Variants in STPG2 observed in about 807,000 individuals in gnomAD.
STPG2 encodes sperm tail PG-rich repeat containing 2.
STPG2 carries 56 observed loss-of-function variants against 54.2 expected under a neutral mutation model. That is an observed-to-expected ratio of 1.03 (90% confidence interval 0.83 to 1.29). The LOEUF (loss-of-function observed/expected upper bound fraction) is 1.29, where lower values mean the gene tolerates loss of function less well. Among genes scored for constraint, STPG2 ranks in the 50% most tolerant of loss-of-function variants. STPG2 has a pLI of 0.00. For synonymous variants in STPG2, 200 were observed against 181.8 expected (o/e 1.10, Z -0.81); for missense variants, 596 against 544.9 (o/e 1.09, Z -0.93).
At chr4:98,133,143 T>C (rs1048074052) in intron 2 of STPG2, among the ~76,000 whole-genome samples, 1 of 151,986 alleles carries the variant, frequency 6.6e-6, no homozygotes, top group African/African-American at 2.4e-5. Context: ...AGAGCAAACA[T>C]TTGAGTGGAA....
chr4:97,609,769 A>G (rs1467128067), intron 10 of STPG2, among the ~76,000 whole-genome samples: 1 of 151,952 alleles, frequency 6.6e-6, no homozygotes, highest in Admixed American at 6.6e-5. Flanking sequence ...TCACAAATAT[A>G]ATTCAGATTA....
At chr4:97,511,434 TTATAA>T (rs1299407280) in intron 4 of STPG2, among the ~76,000 whole-genome samples, 1 of 152,020 alleles carries the variant, frequency 6.6e-6, no homozygotes, top group East Asian at 1.9e-4. Context: ...TCTTTGTAAC[TTATAA>T]TAAGTTCCAA....
intron 9 of STPG2, among the ~76,000 whole-genome samples, chr4:97,829,592 G>A (rs1728381405): frequency 6.6e-6 from 1 of 152,152 alleles, no homozygotes; most frequent in South Asian, 2.1e-4. Flanking sequence ...AAAGGAGCAT[G>A]TTCTAACCCA....
At chr4:97,901,900 AT>A (rs1187887391) in intron 8 of STPG2, among the ~76,000 whole-genome samples, 1 of 152,028 alleles carries the variant, frequency 6.6e-6, no homozygotes, top group Non-Finnish European at 1.5e-5. Context: ...ACAGATCCTT[AT>A]TTCAAATATA....
chr4:97,537,929 A>G (rs1731578686), intron 4 of STPG2, among the ~76,000 whole-genome samples: 1 of 152,202 alleles, frequency 6.6e-6, no homozygotes, highest in African/African-American at 2.4e-5. Flanking sequence ...TACCCAGGCA[A>G]ACAGGGTCTG....
chr4:97,821,645 C>T (rs548948756), intron 9 of STPG2, among the ~76,000 whole-genome samples: 12 of 152,182 alleles, frequency 7.9e-5, no homozygotes, highest in Non-Finnish European at 1.5e-4. Flanking sequence ...CTCATATATC[C>T]TCTGAAATCT....
At chr4:98,023,306 T>C (rs1022759290) in intron 5 of STPG2, among the ~76,000 whole-genome samples, 6 of 152,200 alleles carry the variant, frequency 3.9e-5, no homozygotes, top group Non-Finnish European at 7.4e-5. Context: ...TGCCTGGGTA[T>C]CAGCAGCGGT....
At chr4:97,864,610 T>A (rs960460992) in intron 8 of STPG2, among the ~76,000 whole-genome samples, 29 of 151,752 alleles carry the variant, frequency 1.9e-4, no homozygotes, top group African/African-American at 7.0e-4. Context: ...TTATATGGAA[T>A]CAAAAAAGAG....
intron 5 of STPG2, among the ~76,000 whole-genome samples, chr4:98,023,213 G>A (rs1386160947): frequency 9.9e-5 from 15 of 152,186 alleles, no homozygotes; most frequent in Admixed American, 9.8e-4. Context: ...TGTCCTTTCT[G>A]TTTGTTAGTT....
intron 3 of STPG2, 104 bp from the exon 4 acceptor site, chr4:98,109,409 C>A: frequency 2.5e-6 from 2 of 796,134 alleles, no homozygotes; most frequent in Non-Finnish European, 2.0e-6. Flanking sequence ...CAAGGATAGC[C>A]TCAGTAAGGG....
At chr4:97,963,313 C>G (rs2149249733) in intron 7 of STPG2, among the ~76,000 whole-genome samples, 1 of 152,102 alleles carries the variant, frequency 6.6e-6, no homozygotes, top group South Asian at 2.1e-4. Flanking sequence ...TTAAAATATA[C>G]TTATATCAGC....
chr4:97,558,909 CAT>C lies in STPG2; in HGVS notation c.*147_*148del. On this transcript the variant is annotated 3_prime_UTR_variant, in exon 11 of 11. Transcript: ENST00000295268. ...AAGGTTTATTTCTCCGTGGTTGTGT[CAT>C]ATAGTCACTAAAGCCTGAGCGAATG... 1 of 656,806 alleles carries C rather than the reference CAT, an allele frequency of 1.5e-6. No homozygotes were observed. 40.7% of individuals were successfully genotyped at this position (656,806 alleles called of 1,614,324 possible).
At chr4:98,138,189 A>G (rs759350431) in intron 1 of STPG2, among the ~76,000 whole-genome samples, 8 of 152,110 alleles carry the variant, frequency 5.3e-5, no homozygotes, top group Non-Finnish European at 8.8e-5. Flanking sequence ...AGCCTGACAA[A>G]TAGACAATTA....
At chr4:97,447,532 T>C (rs1729254571) in intron 4 of STPG2, among the ~76,000 whole-genome samples, 1 of 152,146 alleles carries the variant, frequency 6.6e-6, no homozygotes, top group Non-Finnish European at 1.5e-5. Flanking sequence ...CCTCAGTATA[T>C]GGTGTCCTAT....
chr4:98,058,246 A>C (rs1035676508), intron 5 of STPG2, among the ~76,000 whole-genome samples: 2 of 152,208 alleles, frequency 1.3e-5, no homozygotes, highest in Admixed American at 1.3e-4. Context: ...AAACTGCCCA[A>C]TTTAAAGGCA....
At chr4:98,077,406 C>T (rs780257113) in intron 5 of STPG2, among the ~76,000 whole-genome samples, 10 of 152,118 alleles carry the variant, frequency 6.6e-5, no homozygotes, top group Non-Finnish European at 1.2e-4. Flanking sequence ...CCACGCCCGC[C>T]TAATTTTTTG....
chr4:97,799,551 C>T (rs665391), intron 9 of STPG2, among the ~76,000 whole-genome samples: 7 of 151,956 alleles, frequency 4.6e-5, no homozygotes, highest in Non-Finnish European at 7.4e-5. Context: ...CCGAGAGATC[C>T]GCTGTTAGTC....
At chr4:97,950,797 C>T (rs1406014911) in intron 7 of STPG2, among the ~76,000 whole-genome samples, 1 of 152,084 alleles carries the variant, frequency 6.6e-6, no homozygotes, top group Non-Finnish European at 1.5e-5. Context: ...CAATAACAGC[C>T]CTTTTCCAAA....
chr4:97,562,689 A>G (rs540640528), intron 10 of STPG2, among the ~76,000 whole-genome samples: 1 of 152,118 alleles, frequency 6.6e-6, no homozygotes, highest in African/African-American at 2.4e-5. Context: ...TTCTGCATCT[A>G]TTGAGATAAT....
Sources: gnomAD v4.1 joint callset for allele counts (sites outside exome capture counted in the v4.1 genomes callset) on GRCh38, gnomAD v4.1.1 for gene constraint, MANE v1.5 for transcripts, NCBI Gene and HGNC (gene_info 2026-07-23, HGNC 2026-07-21) for gene names.